PXMP4: variants seen among roughly 807,000 people sequenced by gnomAD.
The protein encoded by PXMP4 is peroxisomal membrane protein 4.
A neutral mutation model predicts 21.6 loss-of-function variants in PXMP4; 16 were observed. The observed-to-expected ratio is 0.74, with a 90% confidence interval of 0.50 to 1.13. The LOEUF is 1.13. PXMP4 is among the 50% of genes most tolerant of loss of function. The pLI is 0.00. For synonymous variants in PXMP4, 127 were observed against 123.8 expected (o/e 1.03, Z -0.17); for missense variants, 240 against 277.7 (o/e 0.86, Z 0.96).
rs1167255468 is a variant in PXMP4, at chr20:33,707,469, G to A, written c.*237C>T. On this transcript the variant is annotated 3_prime_UTR_variant, in exon 4 of 4. Coordinates refer to ENST00000409299, the MANE Select transcript of PXMP4 (RefSeq NM_007238.5). ...TAGTGTGGCTGGCCCCAGTCTCACA[G>A]AAGTCAGCTGCACAGCTGGAACCAA... 9 of 544,676 alleles carry A rather than the reference G, an allele frequency of 1.7e-5. No homozygotes were observed. The highest frequency in any genetic ancestry group is 2.2e-5 in the Non-Finnish European group (7 of 315,396). The allele number at this position is 544,676 out of a possible 1,614,324, so 33.7% of individuals were successfully genotyped here.
At chr20:33,717,619 G>A (rs1006022468) in intron 1 of PXMP4, among the ~76,000 whole-genome samples, 4 of 118,976 alleles carry the variant, frequency 3.4e-5, no homozygotes, top group African/African-American at 1.2e-4. Context: ...CAGCCTGGGC[G>A]ACAGAGCGAG....
intron 2 of PXMP4, among the ~76,000 whole-genome samples, chr20:33,712,428 C>G (rs1297580481): frequency 6.6e-6 from 1 of 152,040 alleles, no homozygotes; most frequent in Non-Finnish European, 1.5e-5. Flanking sequence ...CCACACCAAT[C>G]TGTTCTTAAC....
At chr20:33,708,634 A>C (rs2018289907) in intron 3 of PXMP4, among the ~76,000 whole-genome samples, 1 of 151,812 alleles carries the variant, frequency 6.6e-6, no homozygotes, top group South Asian at 2.1e-4. Flanking sequence ...CAGCCTACCA[A>C]AGTGCTGGGA....
intron 1 of PXMP4, among the ~76,000 whole-genome samples, chr20:33,719,620 C>A (rs1161920778): frequency 6.6e-6 from 1 of 152,134 alleles, no homozygotes; most frequent in African/African-American, 2.4e-5. Context: ...CTGAGCCGAA[C>A]GGGACTTAGC....
rs562966395 is a variant in PXMP4, at chr20:33,715,346, G to A, written c.114-610C>T. ...AGTAGAGATGGAGTTTCACCATGTT[G>A]CCCAGGCTGGTCTGGAACTCCTGAT... On this transcript the variant is annotated intron_variant, in intron 1 of 3. Transcript: ENST00000409299. Among the ~76,000 whole-genome samples, 3 of 149,952 alleles carry A rather than the reference G, an allele frequency of 2.0e-5. No homozygotes were observed. The South Asian group carries it at 6.4e-4, about 32-fold the overall frequency.
Position 33,707,812 on chromosome 20 carries a change from A to C in PXMP4, c.533T>G (p.Leu178Arg), listed in dbSNP as rs753817815. 9 of 1,614,088 alleles carry C rather than the reference A, an allele frequency of 5.6e-6. No homozygotes were observed. In the Admixed American group the frequency reaches 1.5e-4, roughly 27 times the overall value. The change falls in exon 4 of 4, where the codon CTG becomes CGG. Residue 178 changes from leucine (L) to arginine (R), a missense_variant. By Grantham distance (102) the Leu-to-Arg change is moderately radical. Coordinates refer to ENST00000409299, the MANE Select transcript of PXMP4 (RefSeq NM_007238.5). ...LWLFEYHRST[L>R]QPSLQSSMTY... is the part of the protein sequence containing the mutation. Reference sequence around the variant, plus strand: ...CATGGAGGACTGCAGCGAGGGCTGCAGGGTGGATCGGTGATACTCAAAGAG... The same window carrying C: ...CATGGAGGACTGCAGCGAGGGCTGCCGGGTGGATCGGTGATACTCAAAGAG...
chr20:33,712,670 G>A (rs1399122362), intron 2 of PXMP4, among the ~76,000 whole-genome samples: 1 of 152,130 alleles, frequency 6.6e-6, no homozygotes, highest in Non-Finnish European at 1.5e-5. Flanking sequence ...ACTCTGTGTG[G>A]CCCAGGCTGG....
intron 2 of PXMP4, among the ~76,000 whole-genome samples, chr20:33,711,417 T>C (rs2018324755): frequency 6.6e-6 from 1 of 151,610 alleles, no homozygotes; most frequent in Non-Finnish European, 1.5e-5. Context: ...TCAGGGAGTA[T>C]GAGGAAAGGA....
chr20:33,715,151 T>G (rs1404346598), intron 1 of PXMP4, among the ~76,000 whole-genome samples: 1 of 152,114 alleles, frequency 6.6e-6, no homozygotes, highest in African/African-American at 2.4e-5. Context: ...GTTTTTTGTT[T>G]GTTTTTTGAG....
rs1491443663 is a variant in PXMP4, at chr20:33,717,658, ATT to A, written c.113+2435_113+2436del. Reference sequence around the variant, plus strand: ...CCGTCTCAAAAAAAAAAAAAAAAAAATTATTAAATATTTTAAATGTTACATAA... The same window carrying A: ...CCGTCTCAAAAAAAAAAAAAAAAAAAATTAAATATTTTAAATGTTACATAA... On this transcript the variant is annotated intron_variant, in intron 1 of 3. Coordinates refer to ENST00000409299, the MANE Select transcript of PXMP4 (RefSeq NM_007238.5). Among the ~76,000 whole-genome samples the A allele has an allele frequency of 4.0e-3, 552 of 136,672 alleles. 7 individuals are homozygous for A. Among genetic ancestry groups the A allele is most frequent in the African/African-American group, 0.014 (471 of 33,542 alleles). 89.7% of individuals were successfully genotyped at this position (136,672 alleles called of 152,430 possible).
At chr20:33,713,994 T>G (rs1254884023) in intron 2 of PXMP4, among the ~76,000 whole-genome samples, 3 of 151,498 alleles carry the variant, frequency 2.0e-5, no homozygotes, top group African/African-American at 7.3e-5. Context: ...AGGAGGGAAG[T>G]AAAGGTGGAG....
At chr20:33,708,717 G>A (rs1051262074) in intron 3 of PXMP4, among the ~76,000 whole-genome samples, 6 of 149,756 alleles carry the variant, frequency 4.0e-5, no homozygotes, top group Non-Finnish European at 1.5e-5. Context: ...TTGAGACAGA[G>A]TCTTGCTCTG....
chr20:33,704,995 T>G lies in PXMP4; in HGVS notation c.*2711A>C, dbSNP rs952290187. 10 of 145,092 alleles carry G rather than the reference T, an allele frequency of 6.9e-5. No individual in the cohort carries two copies. In the South Asian group the frequency reaches 8.9e-4, roughly 13 times the overall value. 9.0% of individuals were successfully genotyped at this position (145,092 alleles called of 1,614,324 possible). On this transcript the variant is annotated 3_prime_UTR_variant, in exon 4 of 4. Transcript: ENST00000409299. The stretch of plus-strand genomic sequence containing the variant: ...TTTGATTTGTCCAGGATTGTGTTTT[T>G]TTTTTTTTTTTTTTTTTTGAGACAG...
rs1412184944 is a variant in PXMP4, at chr20:33,704,614, C to T, written c.*3092G>A. 1 of 152,212 alleles carries T rather than the reference C, an allele frequency of 6.6e-6. No individual in the cohort carries two copies. The highest frequency in any genetic ancestry group is 1.9e-4 in the East Asian group (1 of 5,200). The allele number at this position is 152,212 out of a possible 1,614,324, so 9.4% of individuals were successfully genotyped here. On this transcript the variant is annotated 3_prime_UTR_variant, in exon 4 of 4. Transcript: ENST00000409299. Reference sequence around the variant, plus strand: ...TTGCAGTAAATGTTGTGGCTGAAAACACAGCTTACAGAATCAGACTGATCC... The same window carrying T: ...TTGCAGTAAATGTTGTGGCTGAAAATACAGCTTACAGAATCAGACTGATCC...
intron 2 of PXMP4, 45 bp downstream of exon 2, chr20:33,714,629 C>A (rs1426779153): frequency 6.3e-7 from 1 of 1,577,124 alleles, no homozygotes; most frequent in Admixed American, 1.7e-5. Flanking sequence ...ACTGTCCTGG[C>A]ACTGAGGGCT....
chr20:33,712,008 G>A (rs966116864), intron 2 of PXMP4, among the ~76,000 whole-genome samples: 2 of 151,878 alleles, frequency 1.3e-5, no homozygotes, highest in African/African-American at 4.8e-5. Flanking sequence ...AATCACTAGG[G>A]GGCAGGAAGG....
chr20:33,717,618 C>T (rs1008971071), intron 1 of PXMP4, among the ~76,000 whole-genome samples: 1 of 116,676 alleles, frequency 8.6e-6, no homozygotes, highest in Non-Finnish European at 1.6e-5. Context: ...CCAGCCTGGG[C>T]GACAGAGCGA....
Position 33,710,702 on chromosome 20 carries a change from C to A in PXMP4, c.228G>T (p.Trp76Cys). The A allele has an allele frequency of 6.2e-7, 1 of 1,613,746 alleles. No homozygotes were observed. The highest frequency in any genetic ancestry group is 1.1e-5 in the South Asian group (1 of 91,058). Reference sequence around the variant, plus strand: ...AGGTGAACACAAACCGTGCCAGGTTCCAGGAGTGGATATATGTGGCCTGCA... The same window carrying A: ...AGGTGAACACAAACCGTGCCAGGTTACAGGAGTGGATATATGTGGCCTGCA... Reference protein sequence around the residue: ...AILQATYIHSWNLARFVFTYK... With the variant: ...AILQATYIHSCNLARFVFTYK... Residue 76 changes from tryptophan to cysteine, a missense_variant, in exon 3 of 4, where the codon TGG becomes TGT. Coordinates refer to ENST00000409299, the MANE Select transcript of PXMP4 (RefSeq NM_007238.5).
chr20:33,716,755 A>G (rs1207970868), intron 1 of PXMP4, among the ~76,000 whole-genome samples: 1 of 152,150 alleles, frequency 6.6e-6, no homozygotes, highest in African/African-American at 2.4e-5. Flanking sequence ...CCCCTTACCC[A>G]TGACAATGTC....
Sources: gnomAD v4.1 joint callset for allele counts (sites outside exome capture counted in the v4.1 genomes callset) on GRCh38, gnomAD v4.1.1 for gene constraint, MANE v1.5 for transcripts, NCBI Gene and HGNC (gene_info 2026-07-23, HGNC 2026-07-21) for gene names.